DNAH11: variants seen among roughly 807,000 people sequenced by gnomAD.
The protein encoded by DNAH11 is dynein axonemal heavy chain 11.
DNAH11 carries 442 observed loss-of-function variants against 526.0 expected under a neutral mutation model. That is an observed-to-expected ratio of 0.84 (90% CI 0.78 to 0.91). DNAH11 has a LOEUF of 0.91. DNAH11 is among the 40% of genes least tolerant of loss of function. The pLI, the probability that DNAH11 is intolerant of heterozygous loss-of-function variation, is 0.00. For synonymous variants in DNAH11, 2,461 were observed against 1,935.9 expected, an observed-to-expected ratio of 1.27 and a Z score of -7.12; for missense variants, 6,989 against 5,448.7, an observed-to-expected ratio of 1.28 and a Z score of -8.90.
At chr7:21,595,634 T>A (rs898954245) in intron 14 of DNAH11, among the ~76,000 whole-genome samples, 1 of 152,032 alleles carries the variant, frequency 6.6e-6, no homozygotes, top group Non-Finnish European at 1.5e-5. Flanking sequence ...AGGTCAAGAT[T>A]TCAGTTTTGG....
chr7:21,691,701 T>C (rs1305291256), intron 35 of DNAH11, among the ~76,000 whole-genome samples: 1 of 152,238 alleles, frequency 6.6e-6, no homozygotes, highest in Admixed American at 6.5e-5. Context: ...CTTCATTTAA[T>C]ATTTTGACAT....
chr7:21,579,914 G>A (rs554275320), intron 8 of DNAH11, among the ~76,000 whole-genome samples: 5 of 152,338 alleles, frequency 3.3e-5, no homozygotes, highest in Admixed American at 2.6e-4. Context: ...GCATCCTGGA[G>A]ATGGAGGATA....
intron 54 of DNAH11, among the ~76,000 whole-genome samples, chr7:21,753,374 G>T (rs988476582): frequency 6.6e-6 from 1 of 152,152 alleles, no homozygotes; most frequent in African/African-American, 2.4e-5. Context: ...ATTTAATTTG[G>T]GGACATTGCC....
chr7:21,658,998 C>T lies in DNAH11; in HGVS notation c.5295C>T (p.Tyr1765=), dbSNP rs377687532. ...CCTTCAGTAGACTGGAAGAAGGCTA[C>T]GAAACAGCCCTGAAGGATTTCCATA... is the stretch of plus-strand genomic sequence containing the variant. ...GIAFSRLEEG[Y]ETALKDFHKK... Residue 1765 remains tyrosine (Y), a synonymous_variant, in exon 30 of 82, where the codon TAC becomes TAT. Coordinates refer to ENST00000409508, the MANE Select transcript of DNAH11 (RefSeq NM_001277115.2). 93 of 1,606,508 alleles carry T rather than the reference C, an allele frequency of 5.8e-5. 1 individual carries two copies. The highest frequency in any genetic ancestry group is 7.0e-5 in the Non-Finnish European group (82 of 1,176,600).
intron 30 of DNAH11, among the ~76,000 whole-genome samples, chr7:21,680,251 T>C (rs1485805845): frequency 1.3e-5 from 2 of 152,216 alleles, no homozygotes; most frequent in South Asian, 4.1e-4. Context: ...GGTTTGAGTC[T>C]CTGGTGATCT....
chr7:21,636,111 G>T lies in DNAH11; in HGVS notation c.4725+16G>T, dbSNP rs778443530. On this transcript the variant is annotated intron_variant, in intron 26 of 81. Transcript: ENST00000409508. ...TGAATTTAAGGTTTGTCAAAGACAG[G>T]CTGTATGCTATTCTAGCAAAGTTTT... The T allele has an allele frequency of 1.3e-6, 2 of 1,584,610 alleles. No homozygotes were observed. Among genetic ancestry groups the T allele is most frequent in the Non-Finnish European group, 1.7e-6 (2 of 1,161,172 alleles).
chr7:21,739,176 G>A (rs1370509043), intron 47 of DNAH11, among the ~76,000 whole-genome samples: 1 of 152,176 alleles, frequency 6.6e-6, no homozygotes, highest in Non-Finnish European at 1.5e-5. Context: ...AATTATTTAA[G>A]AGAAATTTGA....
rs769162503 is a variant in DNAH11, at chr7:21,735,618, C to G, written c.7441-22C>G. The G allele has an allele frequency of 1.7e-5, 27 of 1,556,598 alleles. No homozygotes were observed. In the South Asian group the frequency reaches 2.9e-4, roughly 17 times the overall value. Reference sequence around the variant, plus strand: ...CTCTCTCTCTCTTTCTGATCTTTGTCTCATTCTGTTTCTCCTCCCAGACAG... The same window carrying G: ...CTCTCTCTCTCTTTCTGATCTTTGTGTCATTCTGTTTCTCCTCCCAGACAG... On this transcript the variant is annotated intron_variant, in intron 45 of 81. Coordinates refer to ENST00000409508, the MANE Select transcript of DNAH11 (RefSeq NM_001277115.2).
chr7:21,787,973 T>A (rs567979340), intron 60 of DNAH11, among the ~76,000 whole-genome samples: 1 of 152,348 alleles, frequency 6.6e-6, no homozygotes, highest in East Asian at 1.9e-4. Flanking sequence ...ATCTGTATTG[T>A]TGACATAGTG....
intron 39 of DNAH11, among the ~76,000 whole-genome samples, chr7:21,706,186 T>A (rs958502109): frequency 4.6e-5 from 7 of 152,158 alleles, no homozygotes; most frequent in Non-Finnish European, 8.8e-5. Flanking sequence ...GGCACAACAA[T>A]GATATACTAT....
chr7:21,596,382 A>G (rs1480969979), intron 14 of DNAH11, among the ~76,000 whole-genome samples: 1 of 152,178 alleles, frequency 6.6e-6, no homozygotes, highest in African/African-American at 2.4e-5. Flanking sequence ...CCTGACGTGT[A>G]AGGGAGGTAT....
At position 21,787,664 on chromosome 7, in the gene DNAH11, G is replaced by C. The variant is rs575701159; in HGVS notation, c.9924+81G>C. 84 of 1,263,834 alleles carry C rather than the reference G, an allele frequency of 6.6e-5. 1 individual carries two copies. In the African/African-American group the frequency reaches 1.0e-3, roughly 15 times the overall value. 78.3% of individuals were successfully genotyped at this position (1,263,834 alleles called of 1,614,324 possible). On this transcript the variant is annotated intron_variant, in intron 60 of 81. Coordinates refer to ENST00000409508, the MANE Select transcript of DNAH11 (RefSeq NM_001277115.2). The stretch of plus-strand genomic sequence containing the variant: ...ATCAATTTCTAGGTCAGCGAGAAGA[G>C]TAAAATTTGTTATTTCATTTTCTGA...
In DNAH11 at chr7:21,619,931, C is replaced by G. The variant is rs370690687; in HGVS notation, c.4378-25C>G. 5 of 1,237,492 alleles carry G rather than the reference C, an allele frequency of 4.0e-6. No individual in the cohort carries two copies. The South Asian group carries it at 7.1e-5, about 18-fold the overall frequency. The allele number at this position is 1,237,492 out of a possible 1,614,324, so 76.7% of individuals were successfully genotyped here. A position where few individuals can be genotyped will look rare whatever the true frequency, so the allele number is the denominator to read the frequency against. ...TTGATTATCAATTAAATTTTGTGCA[C>G]ATTAATTATATTGTTGATTACTAGG... On this transcript the variant is annotated intron_variant, in intron 24 of 81. Transcript: ENST00000409508.
chr7:21,720,695 T>G (rs1230693517), intron 43 of DNAH11, 30 bp from the exon 44 acceptor site: 4 of 1,529,884 alleles, frequency 2.6e-6, no homozygotes, highest in Non-Finnish European at 3.5e-6. Flanking sequence ...AAAAAAATGT[T>G]GCCTTATTTG....
intron 45 of DNAH11, among the ~76,000 whole-genome samples, chr7:21,732,861 G>A (rs1785439605): frequency 1.3e-5 from 2 of 152,318 alleles, no homozygotes; most frequent in Admixed American, 6.5e-5. Flanking sequence ...TTTGTTAAGA[G>A]TGAGGAAACC....
chr7:21,739,499 T>A, intron 47 of DNAH11, 72 bp from the exon 48 acceptor site: 1 of 1,146,808 alleles, frequency 8.7e-7, no homozygotes, highest in Non-Finnish European at 1.3e-6. Context: ...TGAAGACCTT[T>A]ATGAACTGTT....
At chr7:21,886,736 G>A (rs988342304) in intron 76 of DNAH11, among the ~76,000 whole-genome samples, 14 of 152,178 alleles carry the variant, frequency 9.2e-5, no homozygotes, top group Non-Finnish European at 2.1e-4. Flanking sequence ...ACCTTCACAA[G>A]CCTGAACTCC....
chr7:21,772,182 C>T (rs1422328544), intron 55 of DNAH11, among the ~76,000 whole-genome samples: 1 of 152,154 alleles, frequency 6.6e-6, no homozygotes, highest in Non-Finnish European at 1.5e-5. Context: ...TATTTTGCCC[C>T]ATTGAGACAA....
chr7:21,632,000 G>T (rs1786636513), intron 25 of DNAH11, among the ~76,000 whole-genome samples: 1 of 152,220 alleles, frequency 6.6e-6, no homozygotes, highest in Admixed American at 6.5e-5. Context: ...GCATTTCCAT[G>T]CATCTTGTGA....
Sources: allele counts gnomAD v4.1 joint callset (sites outside exome capture counted in the v4.1 genomes callset), GRCh38; gene constraint gnomAD v4.1.1; transcripts MANE v1.5; gene names NCBI Gene and HGNC (gene_info 2026-07-23, HGNC 2026-07-21).